Variants in PCDH15 observed in about 807,000 individuals in gnomAD.
PCDH15 encodes the protein protocadherin related 15.
A neutral mutation model predicts 178.5 loss-of-function variants in PCDH15; 129 were observed. The ratio of observed to expected loss-of-function variants is 0.72; its 90% confidence interval spans 0.63 to 0.84. The LOEUF (loss-of-function observed/expected upper bound fraction) is 0.84. Ranked by LOEUF, PCDH15 falls within the 40% of genes least tolerant of loss-of-function variation. The pLI, the probability that PCDH15 is intolerant of heterozygous loss-of-function variation, is 0.00. For synonymous variants in PCDH15, 800 were observed against 732.0 expected (o/e 1.09, Z -1.50); for missense variants, 2,230 against 2,099.9 (o/e 1.06, Z -1.21).
At chr10:54,554,559 A>G (rs921691381) in intron 2 of PCDH15, among the ~76,000 whole-genome samples, 1 of 152,192 alleles carries the variant, frequency 6.6e-6, no homozygotes. Context: ...AGTGGAGAAA[A>G]TATTTTGGAG....
At chr10:54,375,118 C>T (rs974538908) in intron 4 of PCDH15, among the ~76,000 whole-genome samples, 5 of 152,050 alleles carry the variant, frequency 3.3e-5, no homozygotes, top group African/African-American at 1.2e-4. Context: ...TACCATGTGG[C>T]CCTACTCCTT....
At chr10:54,516,257 G>T (rs962030615) in intron 3 of PCDH15, among the ~76,000 whole-genome samples, 4 of 151,942 alleles carry the variant, frequency 2.6e-5, no homozygotes, top group African/African-American at 9.7e-5. Context: ...GATCAACTAC[G>T]CTGAGCTACA....
intron 2 of PCDH15, among the ~76,000 whole-genome samples, chr10:54,644,421 T>TA (rs1377485242): frequency 6.6e-6 from 1 of 151,760 alleles, no homozygotes; most frequent in Non-Finnish European, 1.5e-5. Flanking sequence ...GTTGACTGTA[T>TA]AAAAGTATGT....
chr10:53,836,958 T>A (rs2077342313), intron 29 of PCDH15, among the ~76,000 whole-genome samples: 1 of 152,164 alleles, frequency 6.6e-6, no homozygotes, highest in Non-Finnish European at 1.5e-5. Context: ...ATGCTAGAAA[T>A]ATCTTTCTAA....
At chr10:55,209,276 T>G (rs569466816) in intron 1 of PCDH15, among the ~76,000 whole-genome samples, 9 of 152,248 alleles carry the variant, frequency 5.9e-5, no homozygotes, top group African/African-American at 1.4e-4. Context: ...ACTGAGATGA[T>G]GCAGAACCTT....
At chr10:55,342,314 A>C (rs560717754) in intron 2 of PCDH15, among the ~76,000 whole-genome samples, 97 of 152,070 alleles carry the variant, frequency 6.4e-4, no homozygotes, top group African/African-American at 2.1e-3. Flanking sequence ...AAGCACATAC[A>C]ATGTTATAAA....
intron 5 of PCDH15, among the ~76,000 whole-genome samples, chr10:54,359,267 T>A (rs1945589424): frequency 7.0e-6 from 1 of 143,626 alleles, no homozygotes; most frequent in East Asian, 2.0e-4. Flanking sequence ...TTTAAAAAAC[T>A]AAAAAAAAAC....
chr10:54,466,528 T>C (rs114066408), intron 3 of PCDH15, among the ~76,000 whole-genome samples: 2,012 of 152,098 alleles, frequency 0.013, 32 homozygotes, highest in African/African-American at 0.046. Flanking sequence ...TCTGTTTTAT[T>C]TGTCTGTATG....
chr10:53,939,055 T>A lies in PCDH15; in HGVS notation c.3233-100A>T, dbSNP rs1391901572. 10 of 1,173,848 alleles carry A rather than the reference T, an allele frequency of 8.5e-6. No homozygotes were observed. The South Asian group carries it at 1.0e-4, about 12-fold the overall frequency. The allele number at this position is 1,173,848 out of a possible 1,614,324, so 72.7% of individuals were successfully genotyped here. ...TGATTTCAAAAACACTAAAAATGCC[T>A]ATTTATAACTAGAGTGATGCATGAA... On this transcript the variant is annotated intron_variant, in intron 24 of 37. Coordinates refer to ENST00000644397, the MANE Select transcript of PCDH15 (RefSeq NM_001384140.1).
At chr10:54,279,804 G>A (rs1004503803) in intron 8 of PCDH15, among the ~76,000 whole-genome samples, 37 of 151,538 alleles carry the variant, frequency 2.4e-4, no homozygotes, top group East Asian at 7.7e-4. Flanking sequence ...ACTTATTTAC[G>A]GTGACATTTA....
intron 2 of PCDH15, among the ~76,000 whole-genome samples, chr10:55,575,965 G>A (rs966691251): frequency 6.6e-6 from 1 of 152,140 alleles, no homozygotes; most frequent in Non-Finnish European, 1.5e-5. Context: ...GGGCATCCAC[G>A]TGTGGTATGC....
intron 1 of PCDH15, among the ~76,000 whole-genome samples, chr10:54,779,516 A>ATATATATATACACACATATATGTGTG (rs1566223765): frequency 7.1e-6 from 1 of 140,582 alleles, no homozygotes; most frequent in African/African-American, 2.6e-5. Context: ...ATATGTGTGT[A>ATATATATATACACACATATATGTGTG]TATATATATA....
At chr10:54,983,402 AT>A (rs1193362283) in intron 2 of PCDH15, among the ~76,000 whole-genome samples, 3 of 152,142 alleles carry the variant, frequency 2.0e-5, no homozygotes, top group Admixed American at 6.5e-5. Flanking sequence ...AAAATTTTAA[AT>A]GTATGCTGAC....
At chr10:54,089,624 T>A (rs921234005) in intron 16 of PCDH15, among the ~76,000 whole-genome samples, 1 of 152,234 alleles carries the variant, frequency 6.6e-6, no homozygotes, top group African/African-American at 2.4e-5. Context: ...TTGTAACACA[T>A]CTTGCCTACA....
intron 2 of PCDH15, among the ~76,000 whole-genome samples, chr10:55,551,161 T>C (rs1304389417): frequency 1.3e-5 from 2 of 152,054 alleles, no homozygotes; most frequent in Admixed American, 1.3e-4. Flanking sequence ...ATAGTGTCAC[T>C]GCAGGGTAAA....
intron 2 of PCDH15, among the ~76,000 whole-genome samples, chr10:55,493,801 A>G (rs1293020264): frequency 6.6e-6 from 1 of 151,896 alleles, no homozygotes; most frequent in Non-Finnish European, 1.5e-5. Flanking sequence ...AGTGATTCTG[A>G]GCAGTCACTC....
At chr10:54,921,709 C>G (rs150740401) in intron 2 of PCDH15, among the ~76,000 whole-genome samples, 4 of 152,124 alleles carry the variant, frequency 2.6e-5, no homozygotes, top group Non-Finnish European at 5.9e-5. Flanking sequence ...TTATGTACCA[C>G]ATTTTTTTCA....
intron 3 of PCDH15, among the ~76,000 whole-genome samples, chr10:54,828,943 A>G (rs1953178263): frequency 1.3e-5 from 2 of 151,994 alleles, no homozygotes; most frequent in African/African-American, 4.8e-5. Flanking sequence ...TCTGATGAAG[A>G]AAGTCCCTGT....
chr10:54,846,908 T>C (rs1953528189), intron 3 of PCDH15, among the ~76,000 whole-genome samples: 1 of 152,194 alleles, frequency 6.6e-6, no homozygotes. Context: ...TTGAGTACGA[T>C]ATAAGGTACA....
Sources: allele counts gnomAD v4.1 joint callset (sites outside exome capture counted in the v4.1 genomes callset), GRCh38; gene constraint gnomAD v4.1.1; transcripts MANE v1.5; gene names NCBI Gene and HGNC (gene_info 2026-07-23, HGNC 2026-07-21).